SLC35E4: variants seen among roughly 807,000 people sequenced by gnomAD.
The protein encoded by SLC35E4 is solute carrier family 35 member E4, also known as solute carrier family 35, member E4.
A neutral mutation model predicts 19.3 loss-of-function variants in SLC35E4; 15 were observed. That is an observed-to-expected ratio of 0.78 (90% CI 0.52 to 1.20). The LOEUF is 1.20. Among genes scored for constraint, SLC35E4 ranks in the 50% most tolerant of loss-of-function variants. SLC35E4 has a pLI of 0.00. For missense variants in SLC35E4, 406 were observed against 472.3 expected, an observed-to-expected ratio of 0.86 and a Z score of 1.30; for synonymous variants, 219 against 219.9, an observed-to-expected ratio of 1.00 and a Z score of 0.04.
At chr22:30,657,820 C>T (rs1180589831) in intron 2 of SLC35E4, among the ~76,000 whole-genome samples, 4 of 151,334 alleles carry the variant, frequency 2.6e-5, no homozygotes, top group East Asian at 1.9e-4. Context: ...AGGAGAATGA[C>T]GTGAACTCGG....
At chr22:30,651,508 G>C (rs957683029), downstream of SLC35E4, among the ~76,000 whole-genome samples, 1 of 132,440 alleles carries the variant, frequency 7.6e-6, no homozygotes, top group African/African-American at 3.0e-5. Flanking sequence ...TTGAACTCCT[G>C]ACCTCAAGAA....
At chr22:30,638,617 G>A (rs1260428540) in intron 1 of SLC35E4, among the ~76,000 whole-genome samples, 1 of 150,974 alleles carries the variant, frequency 6.6e-6, no homozygotes, top group African/African-American at 2.4e-5. Flanking sequence ...TTCGAGACCA[G>A]CCTGGCCAAC....
chr22:30,639,558 T>A (rs1040737148), intron 1 of SLC35E4, among the ~76,000 whole-genome samples: 7 of 152,100 alleles, frequency 4.6e-5, no homozygotes, highest in Non-Finnish European at 1.0e-4. Context: ...CCCTACAGCT[T>A]CGACCATAAA....
chr22:30,650,643 C>A (rs991714705), downstream of SLC35E4, among the ~76,000 whole-genome samples: 6 of 152,196 alleles, frequency 3.9e-5, no homozygotes, highest in Non-Finnish European at 5.9e-5. Flanking sequence ...GCAGTGGAAC[C>A]TAATCCCCCA....
intron 2 of SLC35E4, chr22:30,654,857 A>G (rs2088302184): frequency 5.5e-6 from 1 of 183,178 alleles, no homozygotes; most frequent in Admixed American, 6.0e-5. Flanking sequence ...TTTTTAGATG[A>G]AACAGGGAAG....
At chr22:30,661,123 G>A (rs967082149) in intron 2 of SLC35E4, among the ~76,000 whole-genome samples, 1 of 152,076 alleles carries the variant, frequency 6.6e-6, no homozygotes, top group East Asian at 1.9e-4. Context: ...TTACAGGCAT[G>A]AGCCACCACG....
chr22:30,661,085 G>A (rs1050269803), intron 2 of SLC35E4, among the ~76,000 whole-genome samples: 3 of 152,018 alleles, frequency 2.0e-5, no homozygotes, highest in African/African-American at 7.3e-5. Context: ...AAGTGATCTG[G>A]CCACCTCGGC....
chr22:30,642,570 T>C (rs905841346), intron 1 of SLC35E4, among the ~76,000 whole-genome samples: 2 of 151,618 alleles, frequency 1.3e-5, no homozygotes, highest in African/African-American at 4.8e-5. Context: ...AATCCCCGTC[T>C]CTACTAAAAA....
intron 2 of SLC35E4, among the ~76,000 whole-genome samples, chr22:30,661,011 C>T (rs912904697): frequency 2.6e-5 from 4 of 152,076 alleles, no homozygotes; most frequent in Non-Finnish European, 4.4e-5. Flanking sequence ...GCCCTGCTTT[C>T]GTATTTTTAG....
intron 1 of SLC35E4, among the ~76,000 whole-genome samples, chr22:30,645,169 A>C (rs1427411942): frequency 6.6e-6 from 1 of 152,098 alleles, no homozygotes; most frequent in African/African-American, 2.4e-5. Flanking sequence ...CCATGTGGCT[A>C]GTAAGTGGCA....
chr22:30,650,121 C>T (rs2088185388), downstream of SLC35E4, among the ~76,000 whole-genome samples: 1 of 149,230 alleles, frequency 6.7e-6, no homozygotes, highest in Admixed American at 6.7e-5. Flanking sequence ...CACCTGAAGT[C>T]AGGAGTTCAA....
At chr22:30,641,279 A>G (rs2088031520) in intron 1 of SLC35E4, among the ~76,000 whole-genome samples, 1 of 152,190 alleles carries the variant, frequency 6.6e-6, no homozygotes, top group Non-Finnish European at 1.5e-5. Flanking sequence ...TGTGCCTGGC[A>G]TCGGGCTGCA....
intron 1 of SLC35E4, among the ~76,000 whole-genome samples, chr22:30,644,781 C>G (rs1316861726): frequency 6.6e-6 from 1 of 151,982 alleles, no homozygotes; most frequent in African/African-American, 2.4e-5. Context: ...GAACCAGACC[C>G]TGTCTCAAAT....
chr22:30,656,082 TC>T (rs2088333486), intron 2 of SLC35E4, among the ~76,000 whole-genome samples: 1 of 151,886 alleles, frequency 6.6e-6, no homozygotes, highest in South Asian at 2.1e-4. Context: ...CAAGCGATCC[TC>T]CCACCTCAGC....
chr22:30,658,398 T>G lies in SLC35E4; in HGVS notation c.*9-3662T>G, dbSNP rs573140604. Reference sequence around the variant, plus strand: ...TAGAAAAAAAAAAATTTTTTTTTTTTGGGGGTAGCAGCAGTAACAGTGGTG... The same window carrying G: ...TAGAAAAAAAAAAATTTTTTTTTTTGGGGGGTAGCAGCAGTAACAGTGGTG... On this transcript the variant is annotated intron_variant, in intron 2 of 2. Coordinates refer to the SLC35E4 transcript ENST00000406566. Among the ~76,000 whole-genome samples the G allele has an allele frequency of 1.8e-4, 28 of 151,746 alleles. No individual in the cohort carries two copies. In the East Asian group the frequency reaches 2.3e-3, roughly 13 times the overall value.
At chr22:30,649,937 G>C (rs2088182834), downstream of SLC35E4, among the ~76,000 whole-genome samples, 2 of 149,306 alleles carry the variant, frequency 1.3e-5, 1 homozygote, top group Non-Finnish European at 3.0e-5. Flanking sequence ...CCAGATTCAG[G>C]ACCATTAGAC....
chr22:30,647,220 A>G lies in SLC35E4; in HGVS notation c.*189A>G. 4.4e-6 allele frequency: 3 copies of G among 676,036 alleles called. No individual in the cohort carries two copies. The highest frequency in any genetic ancestry group is 4.8e-6 in the Non-Finnish European group (2 of 413,326). 41.9% of individuals were successfully genotyped at this position (676,036 alleles called of 1,614,324 possible). ...CGAGACCAGCCTGGCTAACATGGCA[A>G]AACCTCATCTCTACTAAAAATAGAA... On this transcript the variant is annotated 3_prime_UTR_variant, in exon 2 of 2. Coordinates refer to ENST00000343605, the MANE Select transcript of SLC35E4 (RefSeq NM_001001479.4).
At chr22:30,658,577 G>A (rs906492416) in intron 2 of SLC35E4, among the ~76,000 whole-genome samples, 2 of 151,832 alleles carry the variant, frequency 1.3e-5, no homozygotes, top group Admixed American at 6.6e-5. Context: ...TGGAGGGTGC[G>A]TAACAAGCAG....
chr22:30,666,043 T>C (rs34524925), downstream of SLC35E4, among the ~76,000 whole-genome samples: 19,335 of 152,152 alleles, frequency 0.13, 1,323 homozygotes, highest in Admixed American at 0.18. Context: ...TCAGGCTCAT[T>C]CCCGGAAGGA....
Sources: gnomAD v4.1 joint callset for allele counts (sites outside exome capture counted in the v4.1 genomes callset) on GRCh38, gnomAD v4.1.1 for gene constraint, MANE v1.5 for transcripts, NCBI Gene and HGNC (gene_info 2026-07-23, HGNC 2026-07-21) for gene names.